The following OXR1 variants were observed in gnomAD, a reference collection of about 807,000 sequenced individuals.
The protein encoded by OXR1 is oxidation resistance protein 1.
In OXR1, 41 loss-of-function variants were observed where a neutral mutation model predicts 104.6. The ratio of observed to expected loss-of-function variants is 0.39; its 90% CI spans 0.31 to 0.51. The LOEUF is 0.51. OXR1 is among the 20% of genes least tolerant of loss of function. The probability of loss-of-function intolerance (pLI) is 0.77; values close to 1 mark genes in which losing one functional copy is unlikely to be tolerated. For synonymous variants in OXR1, 348 were observed against 348.4 expected, an observed-to-expected ratio of 1.00 and a Z score of 0.01; for missense variants, 955 against 1,031.9, an observed-to-expected ratio of 0.93 and a Z score of 1.02.
intron 2 of OXR1, among the ~76,000 whole-genome samples, chr8:106,498,093 T>C (rs1031738297): frequency 2.0e-4 from 30 of 152,324 alleles, no homozygotes; most frequent in African/African-American, 6.7e-4. Flanking sequence ...ATAGTCGTCC[T>C]TAAGCAATAG....
intron 2 of OXR1, among the ~76,000 whole-genome samples, chr8:106,395,446 T>C (rs553893959): frequency 6.6e-5 from 10 of 152,062 alleles, no homozygotes; most frequent in African/African-American, 2.2e-4. Context: ...CAAGAGACAA[T>C]GAGGAAGTAG....
chr8:106,320,872 A>C (rs1814188447), intron 1 of OXR1, among the ~76,000 whole-genome samples: 1 of 152,208 alleles, frequency 6.6e-6, no homozygotes, highest in African/African-American at 2.4e-5. Flanking sequence ...TGGTTTTGCC[A>C]TGTTGGCCAG....
chr8:106,642,045 T>G (rs763809997), intron 3 of OXR1, among the ~76,000 whole-genome samples: 2 of 152,174 alleles, frequency 1.3e-5, no homozygotes, highest in East Asian at 1.9e-4. Flanking sequence ...TTGCTGTGAC[T>G]ACAGGTGTGC....
At chr8:106,548,716 G>C (rs1024867559) in intron 3 of OXR1, among the ~76,000 whole-genome samples, 1 of 152,186 alleles carries the variant, frequency 6.6e-6, no homozygotes, top group African/African-American at 2.4e-5. Context: ...GGAGGGAATG[G>C]CTACATATAA....
rs117691771 is a variant in OXR1 at position 106,301,340 on chromosome 8, C to T, written c.-139+30973C>T. Among the ~76,000 whole-genome samples, 25 of 145,050 alleles carry T rather than the reference C, an allele frequency of 1.7e-4. No homozygotes were observed. The East Asian group carries it at 4.8e-3, about 28-fold the overall frequency. ...GCTTCCATGTTATATATGCAGAATA[C>T]AACAACTATTTAAAATTCTAATAAT... On this transcript the variant is annotated intron_variant, in intron 1 of 16. Transcript: ENST00000517566.
rs547197433 is a variant in OXR1 at position 106,519,220 on chromosome 8, A to G, written c.220+81A>G. 260 of 849,738 alleles carry G rather than the reference A, an allele frequency of 3.1e-4. 1 individual carries two copies. The highest frequency in any genetic ancestry group is 2.3e-3 in the East Asian group (82 of 36,268). 52.6% of individuals were successfully genotyped at this position (849,738 alleles called of 1,614,324 possible). A position where few individuals can be genotyped will look rare whatever the true frequency, so the allele number is the denominator to read the frequency against. On this transcript the variant is annotated intron_variant, in intron 3 of 16. Coordinates refer to ENST00000517566, the MANE Select transcript of OXR1 (RefSeq NM_001198533.2). ...GAGAATTTCTGGGTCTGTTTAGTTA[A>G]GTGGCTCCTTGTTATAAAACATGTA... is the stretch of plus-strand genomic sequence containing the variant.
At chr8:106,586,035 G>T (rs1306322367) in intron 3 of OXR1, among the ~76,000 whole-genome samples, 2 of 152,182 alleles carry the variant, frequency 1.3e-5, no homozygotes, top group Admixed American at 6.5e-5. Flanking sequence ...CCAGTGAAAT[G>T]ATAAGTGATT....
At chr8:106,311,787 A>G (rs1016915283) in intron 1 of OXR1, among the ~76,000 whole-genome samples, 2 of 152,234 alleles carry the variant, frequency 1.3e-5, no homozygotes, top group African/African-American at 4.8e-5. Flanking sequence ...TTTGCTTGTT[A>G]ATTGGCTATT....
intron 3 of OXR1, among the ~76,000 whole-genome samples, chr8:106,550,074 C>T (rs1175237470): frequency 6.6e-6 from 1 of 152,156 alleles, no homozygotes; most frequent in African/African-American, 2.4e-5. Flanking sequence ...TCCTATGCCA[C>T]ATATGAGAAA....
chr8:106,600,886 A>G (rs370264726), intron 3 of OXR1, among the ~76,000 whole-genome samples: 4 of 152,344 alleles, frequency 2.6e-5, no homozygotes, highest in African/African-American at 9.6e-5. Flanking sequence ...ACAAAAGGTC[A>G]TAAAGAGCTA....
intron 3 of OXR1, among the ~76,000 whole-genome samples, chr8:106,654,618 A>G (rs979666950): frequency 7.2e-5 from 11 of 152,198 alleles, no homozygotes; most frequent in African/African-American, 2.4e-4. Context: ...AAGACCTAAT[A>G]TAAGAGCTAA....
At chr8:106,588,815 A>G (rs1818852309) in intron 3 of OXR1, among the ~76,000 whole-genome samples, 1 of 152,164 alleles carries the variant, frequency 6.6e-6, no homozygotes, top group Middle Eastern at 3.2e-3. Context: ...TTCTTTTAAT[A>G]TGGTATAATA....
intron 3 of OXR1, among the ~76,000 whole-genome samples, chr8:106,559,749 CTT>C (rs1816544147): frequency 2.0e-5 from 3 of 152,210 alleles, no homozygotes; most frequent in South Asian, 4.1e-4. Flanking sequence ...TCCCTCACCT[CTT>C]TTATGAGGGT....
chr8:106,372,515 T>C (rs78442805), intron 2 of OXR1, among the ~76,000 whole-genome samples: 3,815 of 152,244 alleles, frequency 0.025, 162 homozygotes, highest in African/African-American at 0.087. Context: ...AACCCAACAT[T>C]TGAAATGCTC....
At chr8:106,391,725 TTTG>T (rs1405111613) in intron 2 of OXR1, among the ~76,000 whole-genome samples, 13 of 152,256 alleles carry the variant, frequency 8.5e-5, no homozygotes, top group African/African-American at 1.4e-4. Flanking sequence ...AAAATCTCTT[TTTG>T]TTGTTGTTGT....
intron 1 of OXR1, among the ~76,000 whole-genome samples, chr8:106,292,202 G>C (rs576919944): frequency 6.6e-6 from 1 of 152,084 alleles, no homozygotes; most frequent in East Asian, 1.9e-4. Context: ...TATTCATAAT[G>C]GCCCCAAAGC....
At chr8:106,316,717 C>CTGTCT (rs147531007) in intron 1 of OXR1, among the ~76,000 whole-genome samples, 3 of 118,638 alleles carry the variant, frequency 2.5e-5, no homozygotes, top group Non-Finnish European at 5.1e-5. Context: ...ATCTATCTAT[C>CTGTCT]ATCTATCTAT....
At chr8:106,366,446 T>G (rs1326542836) in intron 2 of OXR1, among the ~76,000 whole-genome samples, 1 of 152,160 alleles carries the variant, frequency 6.6e-6, no homozygotes, top group Admixed American at 6.5e-5. Context: ...ACGATATAAT[T>G]TAGTTATCAA....
intron 7 of OXR1, among the ~76,000 whole-genome samples, chr8:106,697,198 GC>G (rs1830125957): frequency 6.6e-6 from 1 of 152,162 alleles, no homozygotes; most frequent in Non-Finnish European, 1.5e-5. Flanking sequence ...AAAAGAAGAG[GC>G]CAGTTGGTCC....
Sources: gnomAD v4.1 joint callset for allele counts (sites outside exome capture counted in the v4.1 genomes callset) on GRCh38, gnomAD v4.1.1 for gene constraint, MANE v1.5 for transcripts, NCBI Gene and HGNC (gene_info 2026-07-23, HGNC 2026-07-21) for gene names.